Variants in S100Z observed in about 807,000 individuals in gnomAD.
S100Z encodes S100 calcium binding protein Z, also known as protein S100-Z.
A neutral mutation model predicts 8.5 loss-of-function variants in S100Z; 11 were observed. The observed-to-expected ratio is 1.30, with a 90% confidence interval of 0.82 to 2.15. The LOEUF (loss-of-function observed/expected upper bound fraction) is 2.15, where lower values mean the gene tolerates loss of function less well. S100Z is among the 30% of genes most tolerant of loss of function. The probability of loss-of-function intolerance (pLI) is 0.00; values close to 1 mark genes in which losing one functional copy is unlikely to be tolerated. For missense variants in S100Z, 126 were observed against 117.9 expected (o/e 1.07, Z -0.32); for synonymous variants, 34 against 43.8 (o/e 0.78, Z 0.89).
rs1335757244 is a variant in S100Z at position 76,875,367 on chromosome 5, C to G, written c.8C>G (p.Thr3Ser). 4 of 1,610,714 alleles carry G rather than the reference C, an allele frequency of 2.5e-6. No homozygotes were observed. The highest frequency in any genetic ancestry group is 3.4e-6 in the Non-Finnish European group (4 of 1,178,386). Residue 3 changes from threonine to serine, a missense_variant, in exon 3 of 5, where the codon ACC becomes AGC. Physicochemically the swap from Thr to Ser is moderately conservative, Grantham distance 58. Transcript: ENST00000317593. ...GTCAGTTCTGCTGCCGACATGCCCACCCAGCTCGAGATGGCCATGGACACC... is the reference window on the plus strand; with the variant it reads ...GTCAGTTCTGCTGCCGACATGCCCAGCCAGCTCGAGATGGCCATGGACACC... MP[T>S]QLEMAMDTMI...
intron 4 of S100Z, among the ~76,000 whole-genome samples, chr5:76,915,329 C>A (rs1187258459): frequency 7.4e-6 from 1 of 134,388 alleles, no homozygotes; most frequent in East Asian, 2.2e-4. Context: ...AAATGCTGGG[C>A]GTGATGGCTC....
In S100Z at chr5:76,890,011, T is replaced by G. The variant is rs181826275; in HGVS notation, c.*2+12177T>G. On this transcript the variant is annotated intron_variant, in intron 4 of 4. Transcript: ENST00000317593. ...AGAAAGCTTAAACAAAACAAAACCT[T>G]AAAATTTAATTTAATTTTGTTTTGT... 1.5e-3 allele frequency among the ~76,000 whole-genome samples: 231 copies of G among 152,322 alleles called. 2 individuals are homozygous for G. Among genetic ancestry groups the G allele is most frequent in the Non-Finnish European group, 2.8e-3 (188 of 68,024 alleles).
the S100Z span, among the ~76,000 whole-genome samples, chr5:76,938,054 A>T: frequency 2.6e-5 from 4 of 152,140 alleles, no homozygotes; most frequent in Non-Finnish European, 5.9e-5. Flanking sequence ...AGATCGCGCC[A>T]CTGCACTCCA....
At chr5:76,894,503 A>G (rs1243777290) in intron 4 of S100Z, among the ~76,000 whole-genome samples, 1 of 152,214 alleles carries the variant, frequency 6.6e-6, no homozygotes, top group African/African-American at 2.4e-5. Context: ...CAAAATTTTA[A>G]CATCCATATA....
At chr5:76,951,775 C>T in the S100Z span, among the ~76,000 whole-genome samples, 1 of 152,142 alleles carries the variant, frequency 6.6e-6, no homozygotes, top group Admixed American at 6.5e-5. Flanking sequence ...TCTTTTCCCT[C>T]TCACTGTCTG....
In S100Z at chr5:76,872,048, G is replaced by A. The variant is rs567136051; in HGVS notation, c.-57+1764G>A. ...GCCCAGGAGTTTGAGACCAGCTTGG[G>A]CAGCATAGTGAGACCTCATCTCTAA... On this transcript the variant is annotated intron_variant, in intron 2 of 4. Transcript: ENST00000317593. 5.3e-5 allele frequency among the ~76,000 whole-genome samples: 8 copies of A among 152,148 alleles called. No individual in the cohort carries two copies. In the South Asian group the frequency reaches 1.0e-3, roughly 20 times the overall value.
intron 1 of S100Z, among the ~76,000 whole-genome samples, chr5:76,869,234 C>T (rs996125425): frequency 4.6e-5 from 7 of 151,670 alleles, no homozygotes; most frequent in Non-Finnish European, 1.0e-4. Context: ...GGGTGGGGAA[C>T]ATACGGCAGA....
chr5:76,931,792 GT>G, the S100Z span, among the ~76,000 whole-genome samples: 1 of 139,868 alleles, frequency 7.1e-6, no homozygotes, highest in Non-Finnish European at 1.6e-5. Flanking sequence ...GAACATTTGG[GT>G]TTTTTTTATT....
chr5:76,931,619 G>A, the S100Z span, among the ~76,000 whole-genome samples: 1 of 152,196 alleles, frequency 6.6e-6, no homozygotes, highest in African/African-American at 2.4e-5. Context: ...CCGTAGCGTG[G>A]TTGAACCTTG....
In S100Z at chr5:76,877,812, T is replaced by C. The variant is rs762625847; in HGVS notation, c.280T>C (p.Leu94=). The change falls in exon 4 of 5, where the codon TTG becomes CTG. Residue 94 remains leucine, a synonymous_variant. Transcript: ENST00000317593. ...TTGTAATGATTACTTTGTAGAACAATTGAAGAAGAAAGGAAAATAAAGGTA... is the reference window on the plus strand; with the variant it reads ...TTGTAATGATTACTTTGTAGAACAACTGAAGAAGAAAGGAAAATAAAGGTA... ...VACNDYFVEQ[L]KKKGK The C allele has an allele frequency of 4.3e-6, 7 of 1,612,868 alleles. No individual in the cohort carries two copies. In the South Asian group the frequency reaches 4.4e-5, roughly 10 times the overall value.
At chr5:76,948,732 A>G in the S100Z span, 1 of 152,262 alleles carries the variant, frequency 6.6e-6, no homozygotes, top group South Asian at 2.1e-4. Flanking sequence ...GGGAATGGCA[A>G]TTAGCACAGC....
chr5:76,930,280 G>A, the S100Z span, among the ~76,000 whole-genome samples: 5 of 152,180 alleles, frequency 3.3e-5, no homozygotes, highest in Non-Finnish European at 4.4e-5. Flanking sequence ...AGCTGGGATC[G>A]CTCTACTGAG....
chr5:76,885,231 C>T (rs1743560775), intron 4 of S100Z, among the ~76,000 whole-genome samples: 1 of 152,030 alleles, frequency 6.6e-6, no homozygotes, highest in African/African-American at 2.4e-5. Context: ...AGAAGGTTGC[C>T]CATAGTGAAG....
intron 4 of S100Z, among the ~76,000 whole-genome samples, chr5:76,902,672 G>A (rs1466120353): frequency 6.7e-6 from 1 of 148,484 alleles, no homozygotes; most frequent in Admixed American, 6.7e-5. Context: ...TTTTTTCTGT[G>A]TAGATAGTTA....
rs1044205064 is a variant in S100Z at position 76,875,482 on chromosome 5, G to C, written c.123G>C (p.Glu41Asp). ...KGELKLLLQRELTEFLSCQKE... is the reference protein window; with the variant it reads ...KGELKLLLQRDLTEFLSCQKE... Reference sequence around the variant, plus strand: ...AACTGAAACTGCTCCTGCAGCGAGAGCTCACGGAATTCCTCTCGGTGAGTC... The same window carrying C: ...AACTGAAACTGCTCCTGCAGCGAGACCTCACGGAATTCCTCTCGGTGAGTC... The change falls in exon 3 of 5, where the codon GAG (glutamate) becomes GAC (aspartate). Residue 41 changes from glutamate to aspartate, a missense_variant. Coordinates refer to ENST00000317593, the MANE Select transcript of S100Z (RefSeq NM_130772.4). 6.2e-7 allele frequency: 1 copy of C among 1,610,124 alleles called. No homozygotes were observed. The highest frequency in any genetic ancestry group is 8.5e-7 in the Non-Finnish European group (1 of 1,178,452).
At chr5:76,864,137 T>G (rs1326983107) in intron 1 of S100Z, among the ~76,000 whole-genome samples, 7 of 152,202 alleles carry the variant, frequency 4.6e-5, no homozygotes, top group Non-Finnish European at 8.8e-5. Context: ...AATGACATTT[T>G]GCTCAATGAT....
chr5:76,916,544 A>G (rs1250056203), intron 4 of S100Z, among the ~76,000 whole-genome samples: 1 of 152,070 alleles, frequency 6.6e-6, no homozygotes, highest in Non-Finnish European at 1.5e-5. Context: ...AAAAAAAAAA[A>G]AAAAACCTTG....
At chr5:76,866,860 C>T (rs952446215) in intron 1 of S100Z, among the ~76,000 whole-genome samples, 7 of 152,160 alleles carry the variant, frequency 4.6e-5, no homozygotes, top group African/African-American at 1.7e-4. Flanking sequence ...TTCATTTTCC[C>T]TCTTTAGGTA....
the S100Z span, among the ~76,000 whole-genome samples, chr5:76,939,365 G>T: frequency 0.73 from 107,645 of 147,282 alleles, 39,639 homozygotes; most frequent in East Asian, 0.92. Context: ...TGTTAGCCAG[G>T]ATGGTCTCAA....
Sources: gnomAD v4.1 joint callset for allele counts (sites outside exome capture counted in the v4.1 genomes callset) on GRCh38, gnomAD v4.1.1 for gene constraint, MANE v1.5 for transcripts, NCBI Gene and HGNC (gene_info 2026-07-23, HGNC 2026-07-21) for gene names.